FAM227B: variants seen among roughly 807,000 people sequenced by gnomAD.
The protein encoded by FAM227B is family with sequence similarity 227 member B, also known as protein FAM227B.
In FAM227B, 88 loss-of-function variants were observed where a neutral mutation model predicts 73.8. The ratio of observed to expected loss-of-function variants is 1.19; its 90% CI spans 1.00 to 1.42. FAM227B has a LOEUF of 1.42. FAM227B is among the 40% of genes most tolerant of loss of function. FAM227B has a pLI of 0.00. For synonymous variants in FAM227B, 210 were observed against 190.5 expected (o/e 1.10, Z -0.84); for missense variants, 632 against 590.9 (o/e 1.07, Z -0.72).
At chr15:49,368,565 A>G (rs753513002) in intron 12 of FAM227B, among the ~76,000 whole-genome samples, 1 of 152,198 alleles carries the variant, frequency 6.6e-6, no homozygotes, top group Non-Finnish European at 1.5e-5. Flanking sequence ...GTTAATGTCA[A>G]TATCAGACAT....
chr15:49,590,616 T>C (rs901320946), intron 3 of FAM227B, among the ~76,000 whole-genome samples: 7 of 152,176 alleles, frequency 4.6e-5, no homozygotes, highest in East Asian at 1.9e-4. Context: ...GATAAATGTA[T>C]AGACTGTGCA....
At chr15:49,530,282 T>C (rs1392792821) in intron 10 of FAM227B, among the ~76,000 whole-genome samples, 2 of 110,822 alleles carry the variant, frequency 1.8e-5, no homozygotes, top group Non-Finnish European at 4.0e-5. Flanking sequence ...ATGTTTACTT[T>C]AGGCCACTCC....
intron 9 of FAM227B, among the ~76,000 whole-genome samples, chr15:49,550,054 T>A (rs566865466): frequency 2.7e-5 from 2 of 74,368 alleles, no homozygotes; most frequent in African/African-American, 5.3e-5. Context: ...CTGGCCGGGC[T>A]GGGGGCTGAT....
intron 13 of FAM227B, among the ~76,000 whole-genome samples, chr15:49,357,346 A>T (rs1162817774): frequency 6.7e-6 from 1 of 150,180 alleles, no homozygotes; most frequent in East Asian, 1.9e-4. Flanking sequence ...AGCAAGACTA[A>T]TAAAGAAAAA....
chr15:49,437,420 C>CT (rs1262546446), intron 11 of FAM227B, among the ~76,000 whole-genome samples: 1 of 151,404 alleles, frequency 6.6e-6, no homozygotes, highest in Non-Finnish European at 1.5e-5. Context: ...ATTTTTAATC[C>CT]TTTTAGGACT....
chr15:49,366,758 C>T (rs1331882709), intron 13 of FAM227B: 2 of 737,658 alleles, frequency 2.7e-6, no homozygotes, highest in Non-Finnish European at 4.3e-6. Flanking sequence ...CCCGCCACTG[C>T]GCTGCCTCCG....
chr15:49,340,105 C>T (rs939807725), intron 13 of FAM227B, among the ~76,000 whole-genome samples: 11 of 152,158 alleles, frequency 7.2e-5, no homozygotes, highest in Non-Finnish European at 1.5e-4. Context: ...TGGCTTCTGC[C>T]CCCTTTCCAG....
intron 10 of FAM227B, among the ~76,000 whole-genome samples, chr15:49,539,131 G>A (rs1314239539): frequency 3.3e-5 from 5 of 152,090 alleles, no homozygotes; most frequent in African/African-American, 9.7e-5. Flanking sequence ...GCATTGACTA[G>A]GTGAGGTGTA....
intron 11 of FAM227B, among the ~76,000 whole-genome samples, chr15:49,432,871 C>A (rs1048030610): frequency 3.3e-5 from 5 of 151,448 alleles, no homozygotes; most frequent in African/African-American, 9.7e-5. Context: ...AGAAATGATG[C>A]CCAACAGCTA....
chr15:49,393,297 A>G (rs1371712410), intron 11 of FAM227B, among the ~76,000 whole-genome samples: 2 of 152,252 alleles, frequency 1.3e-5, no homozygotes, highest in East Asian at 1.9e-4. Context: ...TGGTTCACCC[A>G]TATCATTTCC....
rs1435574729 is a variant in FAM227B at position 49,328,629 on chromosome 15, G to A, written c.1466C>T (p.Ser489Leu). The A allele has an allele frequency of 6.3e-7, 1 of 1,582,896 alleles. No homozygotes were observed. The highest frequency in any genetic ancestry group is 8.6e-7 in the Non-Finnish European group (1 of 1,160,922). ...IERECVASLS[S>L]SSSSSPSSTD... ...TGATGATGGTGATGATGATGATGAT[G>A]ACGATAGTGATGCCACACATTCTCT... Residue 489 changes from serine to leucine, a missense_variant, in exon 16 of 16, where the codon TCA becomes TTA. Transcript: ENST00000299338.
chr15:49,404,497 C>A (rs184796949), intron 11 of FAM227B, among the ~76,000 whole-genome samples: 3 of 152,202 alleles, frequency 2.0e-5, no homozygotes, highest in Admixed American at 6.5e-5. Flanking sequence ...CTGAATTGAA[C>A]CCTTTATCAT....
chr15:49,547,664 G>T (rs1198083977), intron 9 of FAM227B, among the ~76,000 whole-genome samples: 1 of 152,082 alleles, frequency 6.6e-6, no homozygotes, highest in Non-Finnish European at 1.5e-5. Context: ...AAACCAACAA[G>T]GAGTAGCTAT....
At chr15:49,396,087 G>A (rs1336292530) in intron 11 of FAM227B, 6 of 435,558 alleles carry the variant, frequency 1.4e-5, no homozygotes, top group Non-Finnish European at 2.3e-5. Flanking sequence ...TGAGGTACCA[G>A]GTTCATCTCA....
intron 11 of FAM227B, among the ~76,000 whole-genome samples, chr15:49,383,309 G>A (rs1357776984): frequency 1.3e-5 from 2 of 152,024 alleles, no homozygotes; most frequent in African/African-American, 4.8e-5. Context: ...GGAACTCTGT[G>A]TAGAGCAAGT....
chr15:49,534,384 TA>T (rs2152241368), intron 10 of FAM227B, among the ~76,000 whole-genome samples: 1 of 151,978 alleles, frequency 6.6e-6, no homozygotes, highest in East Asian at 1.9e-4. Flanking sequence ...CAAATAACAT[TA>T]TTTTTTAATG....
intron 3 of FAM227B, among the ~76,000 whole-genome samples, chr15:49,604,427 C>A (rs1042363464): frequency 2.6e-5 from 4 of 152,044 alleles, no homozygotes; most frequent in African/African-American, 9.7e-5. Context: ...TGCTTATAAT[C>A]TTATAACTGT....
chr15:49,336,987 C>T (rs1350135717), intron 13 of FAM227B, among the ~76,000 whole-genome samples: 1 of 152,174 alleles, frequency 6.6e-6, no homozygotes, highest in African/African-American at 2.4e-5. Flanking sequence ...ATAATGGCCT[C>T]CATCTGCATT....
chr15:49,561,694 A>C (rs1438010234), intron 9 of FAM227B, among the ~76,000 whole-genome samples: 4 of 152,162 alleles, frequency 2.6e-5, no homozygotes, highest in Non-Finnish European at 5.9e-5. Context: ...TATCAAGAAG[A>C]TCTCTCAAAA....
Sources: gnomAD v4.1 joint callset for allele counts (sites outside exome capture counted in the v4.1 genomes callset) on GRCh38, gnomAD v4.1.1 for gene constraint, MANE v1.5 for transcripts, NCBI Gene and HGNC (gene_info 2026-07-23, HGNC 2026-07-21) for gene names.